Variants in CHD8 observed in about 807,000 individuals in gnomAD.
CHD8 encodes chromodomain helicase DNA binding protein 8, also known as ATP-dependent chromatin remodeler CHD8.
Under a neutral mutation model 279.2 loss-of-function variants are expected in CHD8, and 31 were observed. The ratio of observed to expected loss-of-function variants is 0.11; its 90% CI spans 0.08 to 0.15. The LOEUF (loss-of-function observed/expected upper bound fraction) is 0.15. CHD8 is among the 10% of genes least tolerant of loss of function. The probability of loss-of-function intolerance (pLI) is 1.00; values close to 1 mark genes in which losing one functional copy is unlikely to be tolerated. For synonymous variants in CHD8, 1,081 were observed against 1,139.6 expected (o/e 0.95, Z 1.04); for missense variants, 2,146 against 3,230.5 (o/e 0.66, Z 8.14).
At chr14:21,444,344 A>G (rs1470704896) in intron 1 of CHD8, among the ~76,000 whole-genome samples, 1 of 152,204 alleles carries the variant, frequency 6.6e-6, no homozygotes, top group East Asian at 1.9e-4. Flanking sequence ...ACCCAGATTA[A>G]TGGCCTCCAA....
chr14:21,395,141 G>A (rs1340600964), intron 29 of CHD8, 22 bp from the exon 30 acceptor site: 3 of 1,607,082 alleles, frequency 1.9e-6, no homozygotes, highest in Non-Finnish European at 2.6e-6. Flanking sequence ...AAAGTAGAAT[G>A]AATAGGAAGT....
chr14:21,400,058 C>A lies in CHD8; in HGVS notation c.4740G>T (p.Arg1580=). 1 of 1,613,682 alleles carries A rather than the reference C, an allele frequency of 6.2e-7. No individual in the cohort carries two copies. Among genetic ancestry groups the A allele is most frequent in the Non-Finnish European group, 8.5e-7 (1 of 1,179,808 alleles). ...GCCTCAGGTAGTATAGCATTCGTAC[C>A]CGCAACAGTACCCTAGAAAGGACAG... ...LKHQCNKVLL[R]VRMLYYLRQE... Residue 1580 remains arginine (R), a synonymous_variant, in exon 25 of 38, where the codon CGG becomes CGT. Coordinates refer to ENST00000646647, the MANE Select transcript of CHD8 (RefSeq NM_001170629.2). This position sits in a 1 kb window ranked among gnomAD's most constrained non-coding sequence, Gnocchi z 4.2.
intron 5 of CHD8, among the ~76,000 whole-genome samples, chr14:21,423,469 G>A (rs1246586314): frequency 2.6e-5 from 4 of 151,786 alleles, no homozygotes; most frequent in Non-Finnish European, 5.9e-5. Flanking sequence ...ACCTCTTAAG[G>A]GTCCCCCCTC....
Position 21,442,957 on chromosome 14 carries a change from G to A in CHD8, c.-215-11099C>T, listed in dbSNP as rs550873346. Among the ~76,000 whole-genome samples the A allele has an allele frequency of 2.6e-5, 4 of 152,322 alleles. No individual in the cohort carries two copies. The East Asian group carries it at 7.7e-4, about 29-fold the overall frequency. ...TATATCCATTCTGAAGAATGTAGCT[G>A]CAATTCACCTCTAATTAAGTCCTGT... On this transcript the variant is annotated intron_variant, in intron 1 of 37. Coordinates refer to ENST00000646647, the MANE Select transcript of CHD8 (RefSeq NM_001170629.2).
chr14:21,409,498 T>C lies in CHD8; in HGVS notation c.2364+353A>G, dbSNP rs145965982. 8.3e-3 allele frequency among the ~76,000 whole-genome samples: 1,262 copies of C among 152,326 alleles called. 11 individuals are homozygous for C. Among genetic ancestry groups the C allele is most frequent in the Non-Finnish European group, 0.012 (816 of 68,034 alleles). On this transcript the variant is annotated intron_variant, in intron 11 of 37. Transcript: ENST00000646647. ...ACAATCAGGGAAATGTATGCAATGA[T>C]TGGTACCAATGACTTGATGATATTA...
intron 26 of CHD8, 100 bp from the exon 27 acceptor site, chr14:21,398,052 T>C: frequency 8.8e-7 from 1 of 1,142,748 alleles, no homozygotes; most frequent in East Asian, 2.6e-5. Context: ...TCTATATTGC[T>C]CATAATGGAA....
chr14:21,444,605 G>C (rs1056939244), intron 1 of CHD8, among the ~76,000 whole-genome samples: 2 of 151,978 alleles, frequency 1.3e-5, no homozygotes, highest in African/African-American at 4.8e-5. Flanking sequence ...CATAAAAATT[G>C]CAAAAACACC....
At chr14:21,398,352 G>A (rs902172152) in intron 26 of CHD8, 3 of 152,974 alleles carry the variant, frequency 2.0e-5, no homozygotes, top group African/African-American at 7.2e-5. Flanking sequence ...CCATTCTCCT[G>A]CCTCAGCCTC....
At position 21,408,873 on chromosome 14, in the gene CHD8, GGTA is replaced by G. The variant is rs1888362308; in HGVS notation, c.2365-51_2365-49del. ...AAATGGAGTGGAGACATTATCAAAA[GGTA>G]AGACTTACTAGGTAAGTTCTAATAG... On this transcript the variant is annotated intron_variant, in intron 11 of 37. Coordinates refer to ENST00000646647, the MANE Select transcript of CHD8 (RefSeq NM_001170629.2). The surrounding 1 kb of genome is among the most constrained non-coding windows in gnomAD (Gnocchi z 4.3). The G allele has an allele frequency of 6.4e-7, 1 of 1,571,254 alleles. No individual in the cohort carries two copies.
intron 13 of CHD8, among the ~76,000 whole-genome samples, chr14:21,407,609 CT>C (rs998106226): frequency 1.3e-5 from 2 of 150,996 alleles, no homozygotes; most frequent in East Asian, 1.9e-4. Flanking sequence ...GGAACTGATC[CT>C]TTTTTTTTCT....
At chr14:21,447,815 C>G (rs1205503771) in intron 1 of CHD8, among the ~76,000 whole-genome samples, 1 of 151,364 alleles carries the variant, frequency 6.6e-6, no homozygotes, top group Non-Finnish European at 1.5e-5. Context: ...AGAGCCTAAT[C>G]TTTGGGGAAC....
chr14:21,388,641 A>C (rs548062746), intron 37 of CHD8, among the ~76,000 whole-genome samples: 1 of 152,274 alleles, frequency 6.6e-6, no homozygotes, highest in Admixed American at 6.5e-5. Context: ...AGAGGACTGC[A>C]CTACCACGCC....
intron 1 of CHD8, among the ~76,000 whole-genome samples, chr14:21,443,153 A>C (rs1179342333): frequency 6.6e-6 from 1 of 152,126 alleles, no homozygotes; most frequent in Non-Finnish European, 1.5e-5. Flanking sequence ...GCACTTTGGG[A>C]GGCCGAGGCG....
chr14:21,403,753 T>A lies in CHD8; in HGVS notation c.3308-90A>T. On this transcript the variant is annotated intron_variant, in intron 16 of 37. Transcript: ENST00000646647. The surrounding 1 kb of genome is among the most constrained non-coding windows in gnomAD (Gnocchi z 4.3). ...AACTAAGAAAGCAAAAGGAAAAAAATGTAATTTGACTTAAGACCAACATTT... is the reference window on the plus strand; with the variant it reads ...AACTAAGAAAGCAAAAGGAAAAAAAAGTAATTTGACTTAAGACCAACATTT... The A allele has an allele frequency of 8.8e-7, 1 of 1,140,218 alleles. No individual in the cohort carries two copies. The highest frequency in any genetic ancestry group is 1.3e-6 in the Non-Finnish European group (1 of 790,202). 70.6% of individuals were successfully genotyped at this position (1,140,218 alleles called of 1,614,324 possible). A position where few individuals can be genotyped will look rare whatever the true frequency, so the allele number is the denominator to read the frequency against.
Position 21,408,573 on chromosome 14 carries a change from GAA to G in CHD8, c.2487-20_2487-19del, listed in dbSNP as rs111776414. The G allele has an allele frequency of 2.0e-6, 3 of 1,481,734 alleles. No homozygotes were observed. Among genetic ancestry groups the G allele is most frequent in the Admixed American group, 2.0e-5 (1 of 49,126 alleles). The allele number at this position is 1,481,734 out of a possible 1,614,324, so 91.8% of individuals were successfully genotyped here. Reference sequence around the variant, plus strand: ...AGTTCTGCCTGCAGATTCACCATGGGAAAAAAAAAATGTTAAAAGATACTATC... The same window carrying G: ...AGTTCTGCCTGCAGATTCACCATGGGAAAAAAAATGTTAAAAGATACTATC... On this transcript the variant is annotated intron_variant, in intron 12 of 37. Coordinates refer to ENST00000646647, the MANE Select transcript of CHD8 (RefSeq NM_001170629.2). The surrounding 1 kb of genome is among the most constrained non-coding windows in gnomAD (Gnocchi z 4.3).
chr14:21,392,941 T>G, intron 33 of CHD8, 132 bp from the exon 34 acceptor site: 1 of 1,204,494 alleles, frequency 8.3e-7, no homozygotes. Context: ...GTTAATACTA[T>G]TAAGATTCCT....
chr14:21,437,787 G>A (rs543484215), intron 1 of CHD8, among the ~76,000 whole-genome samples: 26 of 152,156 alleles, frequency 1.7e-4, no homozygotes, highest in African/African-American at 4.6e-4. Context: ...TAAGGTTGCC[G>A]TGCATTTTTG....
At chr14:21,439,433 T>C (rs1459529838) in intron 1 of CHD8, among the ~76,000 whole-genome samples, 1 of 152,178 alleles carries the variant, frequency 6.6e-6, no homozygotes, top group Non-Finnish European at 1.5e-5. Context: ...TCTTACAATA[T>C]ATAACAAAGA....
At chr14:21,432,351 A>C (rs915726057) in intron 1 of CHD8, among the ~76,000 whole-genome samples, 1 of 152,044 alleles carries the variant, frequency 6.6e-6, no homozygotes, top group Non-Finnish European at 1.5e-5. Flanking sequence ...ACCAAGGCTT[A>C]TAGTACAATC....
Sources: allele counts gnomAD v4.1 joint callset (sites outside exome capture counted in the v4.1 genomes callset), GRCh38; gene constraint gnomAD v4.1.1; non-coding constraint Gnocchi (gnomAD v3.1); transcripts MANE v1.5; gene names NCBI Gene and HGNC (gene_info 2026-07-23, HGNC 2026-07-21).